RIT2: variants seen among roughly 807,000 people sequenced by gnomAD.
The protein encoded by RIT2 is GTP-binding protein Rit2.
RIT2 carries 24 observed loss-of-function variants against 23.7 expected under a neutral mutation model. That is an observed-to-expected ratio of 1.01 (90% CI 0.73 to 1.43). The LOEUF (loss-of-function observed/expected upper bound fraction) is 1.43. RIT2 is among the 40% of genes most tolerant of loss of function. The pLI, the probability that RIT2 is intolerant of heterozygous loss-of-function variation, is 0.00. For synonymous variants in RIT2, 107 were observed against 91.1 expected (o/e 1.17, Z -0.99); for missense variants, 236 against 266.9 (o/e 0.88, Z 0.81).
intron 3 of RIT2, among the ~76,000 whole-genome samples, chr18:42,950,940 G>A (rs1387342043): frequency 6.6e-6 from 1 of 151,514 alleles, no homozygotes; most frequent in African/African-American, 2.4e-5. Context: ...AGACTGCAGA[G>A]AAAGGGGAAG....
At chr18:42,827,998 C>T (rs867560032) in intron 4 of RIT2, among the ~76,000 whole-genome samples, 25 of 114,164 alleles carry the variant, frequency 2.2e-4, no homozygotes, top group African/African-American at 7.3e-4. Flanking sequence ...AGCAAGACTC[C>T]GTCTCAAAAA....
chr18:43,056,810 G>A (rs1912513297), intron 1 of RIT2, among the ~76,000 whole-genome samples: 2 of 152,240 alleles, frequency 1.3e-5, no homozygotes, highest in Non-Finnish European at 2.9e-5. Flanking sequence ...AGGGAGGAAT[G>A]AGCAGGACGA....
chr18:42,914,731 T>C (rs1908861576), intron 4 of RIT2, among the ~76,000 whole-genome samples: 1 of 151,974 alleles, frequency 6.6e-6, no homozygotes, highest in South Asian at 2.1e-4. Context: ...CGTGACATAA[T>C]TGCATCAAAT....
At chr18:42,761,032 G>A (rs1441431249) in intron 4 of RIT2, among the ~76,000 whole-genome samples, 1 of 152,172 alleles carries the variant, frequency 6.6e-6, no homozygotes, top group Non-Finnish European at 1.5e-5. Flanking sequence ...AAAATCACAA[G>A]TCTTCATTTG....
chr18:42,995,496 C>T lies in RIT2; in HGVS notation c.161-21349G>A, dbSNP rs1286556525. On this transcript the variant is annotated intron_variant, in intron 2 of 4. Coordinates refer to ENST00000326695, the MANE Select transcript of RIT2 (RefSeq NM_002930.4). ...TAATTCCTTGGTTTGGCCTTCCCAC[C>T]TCTATATAGTCCTATAGCAGACCGG... Among the ~76,000 whole-genome samples, 4 of 152,182 alleles carry T rather than the reference C, an allele frequency of 2.6e-5. No individual in the cohort carries two copies. In the East Asian group the frequency reaches 5.8e-4, roughly 22 times the overall value.
At chr18:42,947,265 G>A (rs995096833) in intron 3 of RIT2, among the ~76,000 whole-genome samples, 2 of 152,098 alleles carry the variant, frequency 1.3e-5, no homozygotes, top group African/African-American at 4.8e-5. Context: ...CATTTGGAGA[G>A]TAAGCTTAAC....
intron 4 of RIT2, among the ~76,000 whole-genome samples, chr18:42,888,730 T>C (rs1005379545): frequency 6.6e-6 from 1 of 151,756 alleles, no homozygotes; most frequent in African/African-American, 2.4e-5. Flanking sequence ...CACAAAGCCA[T>C]AAAAAAGAAT....
intron 4 of RIT2, among the ~76,000 whole-genome samples, chr18:42,893,835 C>T (rs1908249056): frequency 6.6e-6 from 1 of 152,108 alleles, no homozygotes; most frequent in African/African-American, 2.4e-5. Context: ...TTTCATTACT[C>T]TTTGGTTATT....
At chr18:42,978,590 T>G (rs1239707111) in intron 2 of RIT2, among the ~76,000 whole-genome samples, 1 of 152,156 alleles carries the variant, frequency 6.6e-6, no homozygotes, top group Non-Finnish European at 1.5e-5. Flanking sequence ...TGAGGCCAAA[T>G]GTATACAAAG....
At chr18:42,956,224 T>C (rs935010692) in intron 3 of RIT2, among the ~76,000 whole-genome samples, 2 of 152,128 alleles carry the variant, frequency 1.3e-5, no homozygotes, top group African/African-American at 4.8e-5. Flanking sequence ...TGCTAATCTC[T>C]ACCCACACTC....
intron 4 of RIT2, among the ~76,000 whole-genome samples, chr18:42,822,013 A>G (rs1452995612): frequency 2.6e-5 from 4 of 152,186 alleles, no homozygotes; most frequent in African/African-American, 9.6e-5. Context: ...GACCTGATAT[A>G]GGATCCTAAA....
chr18:43,053,495 A>C (rs964514803), intron 1 of RIT2, among the ~76,000 whole-genome samples: 1 of 152,004 alleles, frequency 6.6e-6, no homozygotes, highest in African/African-American at 2.4e-5. Flanking sequence ...ATTAAATGGG[A>C]TGGTAAGGAA....
At chr18:42,800,528 T>TTC (rs1364872123) in intron 4 of RIT2, among the ~76,000 whole-genome samples, 1 of 150,660 alleles carries the variant, frequency 6.6e-6, no homozygotes. Context: ...CTTTTTTTTT[T>TTC]TTTTTTTTCT....
intron 1 of RIT2, among the ~76,000 whole-genome samples, chr18:43,072,744 GC>G (rs1317936947): frequency 2.6e-5 from 4 of 152,028 alleles, no homozygotes; most frequent in African/African-American, 9.7e-5. Flanking sequence ...TATTTTTCAG[GC>G]TTTTTGCAAC....
intron 1 of RIT2, among the ~76,000 whole-genome samples, chr18:43,071,119 A>C (rs547494477): frequency 6.6e-6 from 1 of 152,312 alleles, no homozygotes; most frequent in South Asian, 2.1e-4. Flanking sequence ...CTTGCAGACT[A>C]TTCTGTTGCA....
At chr18:42,751,777 A>G (rs1913052069) in intron 4 of RIT2, among the ~76,000 whole-genome samples, 1 of 152,058 alleles carries the variant, frequency 6.6e-6, no homozygotes, top group South Asian at 2.1e-4. Flanking sequence ...CACATTTGCT[A>G]TAATATCTAA....
At chr18:43,002,291 C>T (rs1911124847) in intron 2 of RIT2, among the ~76,000 whole-genome samples, 1 of 151,878 alleles carries the variant, frequency 6.6e-6, no homozygotes, top group African/African-American at 2.4e-5. Flanking sequence ...CTTCTGCCTG[C>T]TTTTATTCTA....
chr18:43,056,479 T>A (rs1010825519), intron 1 of RIT2, among the ~76,000 whole-genome samples: 5 of 152,148 alleles, frequency 3.3e-5, no homozygotes, highest in Non-Finnish European at 5.9e-5. Flanking sequence ...TAGGGAAATA[T>A]GAATTTACAG....
chr18:43,000,521 G>A (rs1456687454), intron 2 of RIT2, among the ~76,000 whole-genome samples: 2 of 151,946 alleles, frequency 1.3e-5, no homozygotes, highest in Non-Finnish European at 2.9e-5. Flanking sequence ...ATAAAAATGA[G>A]AATTTTTCTA....
Sources: allele counts gnomAD v4.1 joint callset (sites outside exome capture counted in the v4.1 genomes callset), GRCh38; gene constraint gnomAD v4.1.1; transcripts MANE v1.5; gene names NCBI Gene and HGNC (gene_info 2026-07-23, HGNC 2026-07-21).